Variants in NEDD4L observed in about 807,000 individuals in gnomAD.
NEDD4L encodes NEDD4 like E3 ubiquitin protein ligase, also known as E3 ubiquitin-protein ligase NEDD4-like.
In NEDD4L, 54 loss-of-function variants were observed where a neutral mutation model predicts 148.9. That is an observed-to-expected ratio of 0.36 (90% CI 0.29 to 0.45). The LOEUF (loss-of-function observed/expected upper bound fraction) is 0.45. Among genes scored for constraint, NEDD4L ranks in the 20% least tolerant of loss-of-function variants. The pLI is 1.00. For synonymous variants in NEDD4L, 433 were observed against 440.7 expected (o/e 0.98, Z 0.22); for missense variants, 856 against 1,233.8 (o/e 0.69, Z 4.59).
chr18:58,045,429 C>T, intron 1 of NEDD4L: 1 of 312,454 alleles, frequency 3.2e-6, no homozygotes. Flanking sequence ...GAGAGGAAAG[C>T]TTAATTGATC....
At chr18:58,373,832 G>A (rs945264569) in intron 24 of NEDD4L, among the ~76,000 whole-genome samples, 50 of 152,242 alleles carry the variant, frequency 3.3e-4, no homozygotes, top group African/African-American at 1.2e-3. Context: ...GCCACTGAAA[G>A]TGGATTTCAA....
At chr18:58,102,090 T>C (rs954775101) in intron 1 of NEDD4L, among the ~76,000 whole-genome samples, 1 of 152,214 alleles carries the variant, frequency 6.6e-6, no homozygotes, top group East Asian at 1.9e-4. Flanking sequence ...TGTTTTTCTT[T>C]CCCTGAATGT....
chr18:58,149,639 C>A, intron 1 of NEDD4L: 1 of 897,144 alleles, frequency 1.1e-6, no homozygotes, highest in South Asian at 1.4e-5. Context: ...CACATCCACC[C>A]ATAGTCATGA....
chr18:58,305,768 C>G (rs554781770), intron 5 of NEDD4L, among the ~76,000 whole-genome samples: 3 of 152,274 alleles, frequency 2.0e-5, no homozygotes, highest in East Asian at 3.9e-4. Context: ...AAGTTTTCCT[C>G]TCCACACTTT....
chr18:58,083,172 C>T (rs1291891542), intron 1 of NEDD4L, among the ~76,000 whole-genome samples: 1 of 152,110 alleles, frequency 6.6e-6, no homozygotes, highest in Non-Finnish European at 1.5e-5. Context: ...GATCAGTGAT[C>T]ATGAAGAATG....
intron 19 of NEDD4L, among the ~76,000 whole-genome samples, chr18:58,360,690 G>A (rs1014192060): frequency 2.6e-5 from 4 of 151,492 alleles, no homozygotes; most frequent in Admixed American, 1.3e-4. Flanking sequence ...CTCCCACTAC[G>A]TCTGTAGACT....
chr18:58,350,568 C>T (rs1483599171), intron 17 of NEDD4L, among the ~76,000 whole-genome samples: 1 of 152,084 alleles, frequency 6.6e-6, no homozygotes, highest in Admixed American at 6.5e-5. Context: ...TGGATAATAC[C>T]AATATTAGAT....
rs752108422 is a variant in NEDD4L at position 58,305,471 on chromosome 18, C to T, written c.298-10511C>T. Among the ~76,000 whole-genome samples the T allele has an allele frequency of 6.5e-4, 99 of 152,314 alleles. 1 individual carries two copies. Among genetic ancestry groups the T allele is most frequent in the Non-Finnish European group, 8.7e-4 (59 of 68,036 alleles). On this transcript the variant is annotated intron_variant, in intron 5 of 30. Transcript: ENST00000400345. The stretch of plus-strand genomic sequence containing the variant: ...TTCCAGTGTCTAAGCAGCCTGGGCA[C>T]CTCTGGTTAATGGCACACCTCAGTG...
rs766770964 is a variant in NEDD4L at position 58,086,453 on chromosome 18, TG to T, written c.48+41746del. Among the ~76,000 whole-genome samples, 45 of 152,204 alleles carry T rather than the reference TG, an allele frequency of 3.0e-4. 1 individual carries two copies. The highest frequency in any genetic ancestry group is 1.3e-4 in the Admixed American group (2 of 15,280). Reference sequence around the variant, plus strand: ...CAGGGTGAGAGGGATGTTTTTATGATGTACATTCTCATATATTTATTTTGAA... The same window carrying T: ...CAGGGTGAGAGGGATGTTTTTATGATTACATTCTCATATATTTATTTTGAA... On this transcript the variant is annotated intron_variant, in intron 1 of 30. Transcript: ENST00000400345.
At chr18:58,140,238 T>C (rs190763521) in intron 1 of NEDD4L, among the ~76,000 whole-genome samples, 2 of 152,284 alleles carry the variant, frequency 1.3e-5, no homozygotes, top group African/African-American at 4.8e-5. Flanking sequence ...ACCTGGGAAA[T>C]TCTGGTACAG....
intron 16 of NEDD4L, among the ~76,000 whole-genome samples, chr18:58,347,801 G>A (rs769996275): frequency 1.3e-5 from 2 of 152,158 alleles, no homozygotes; most frequent in Non-Finnish European, 2.9e-5. Context: ...CAAGATCTAT[G>A]ATTATGATTC....
intron 1 of NEDD4L, among the ~76,000 whole-genome samples, chr18:58,117,477 G>A (rs1423570347): frequency 6.6e-6 from 1 of 152,136 alleles, no homozygotes; most frequent in Non-Finnish European, 1.5e-5. Flanking sequence ...GCATTATAGT[G>A]GAAAAGGTAA....
chr18:58,255,462 C>T, intron 5 of NEDD4L: 2 of 1,219,238 alleles, frequency 1.6e-6, no homozygotes, highest in Non-Finnish European at 1.0e-6. Context: ...CCAATCATGC[C>T]TGGAATGCCG....
intron 1 of NEDD4L, chr18:58,046,019 G>C (rs1399108850): frequency 6.6e-6 from 1 of 152,248 alleles, no homozygotes; most frequent in South Asian, 2.1e-4. Flanking sequence ...TGTGTGCTAC[G>C]TAAGTGTGGA....
chr18:58,125,497 A>G (rs894645991), intron 1 of NEDD4L, among the ~76,000 whole-genome samples: 1 of 152,150 alleles, frequency 6.6e-6, no homozygotes, highest in Non-Finnish European at 1.5e-5. Flanking sequence ...TTCATGGTAG[A>G]AATGAAATCA....
chr18:58,390,822 G>A (rs143322755), intron 29 of NEDD4L, 80 bp downstream of exon 29: 25 of 980,548 alleles, frequency 2.5e-5, no homozygotes, highest in East Asian at 2.3e-4. Flanking sequence ...GAACCCTGCC[G>A]CCAGGCCTCT....
At chr18:58,231,160 G>C (rs2042249457) in intron 2 of NEDD4L, among the ~76,000 whole-genome samples, 1 of 147,468 alleles carries the variant, frequency 6.8e-6, no homozygotes, top group South Asian at 2.2e-4. Flanking sequence ...TGAGGTGGGA[G>C]AATTGCTTGA....
intron 5 of NEDD4L, among the ~76,000 whole-genome samples, chr18:58,258,838 T>C (rs2048956507): frequency 6.6e-6 from 1 of 152,196 alleles, no homozygotes; most frequent in Non-Finnish European, 1.5e-5. Context: ...ATGCATTTCA[T>C]ATGGACAGGG....
intron 16 of NEDD4L, 89 bp from the exon 17 acceptor site, chr18:58,349,448 G>T: frequency 9.1e-7 from 1 of 1,100,080 alleles, no homozygotes; most frequent in Non-Finnish European, 1.4e-6. Flanking sequence ...TGGTTGCCTT[G>T]AAACAAACAG....
Sources: gnomAD v4.1 joint callset for allele counts (sites outside exome capture counted in the v4.1 genomes callset) on GRCh38, gnomAD v4.1.1 for gene constraint, MANE v1.5 for transcripts, NCBI Gene and HGNC (gene_info 2026-07-23, HGNC 2026-07-21) for gene names.